The following STK32C variants were observed in gnomAD, a reference collection of about 807,000 sequenced individuals.
The protein encoded by STK32C is serine/threonine kinase 32C, also known as serine/threonine-protein kinase 32C.
STK32C carries 31 observed loss-of-function variants against 56.5 expected under a neutral mutation model. The ratio of observed to expected loss-of-function variants is 0.55; its 90% confidence interval spans 0.41 to 0.74. STK32C has a LOEUF of 0.74. Among genes scored for constraint, STK32C ranks in the 30% least tolerant of loss-of-function variants. The pLI is 0.00. For synonymous variants in STK32C, 309 were observed against 289.4 expected, an observed-to-expected ratio of 1.07 and a Z score of -0.69; for missense variants, 544 against 676.9, an observed-to-expected ratio of 0.80 and a Z score of 2.18.
intron 1 of STK32C, among the ~76,000 whole-genome samples, chr10:132,264,138 C>T (rs531409782): frequency 6.6e-5 from 10 of 152,240 alleles, no homozygotes; most frequent in Non-Finnish European, 1.2e-4. Flanking sequence ...GCTGGTGAGG[C>T]GCCTGCAGTT....
At chr10:132,270,937 T>TC (rs1564763126) in intron 1 of STK32C, among the ~76,000 whole-genome samples, 1 of 116,638 alleles carries the variant, frequency 8.6e-6, no homozygotes, top group African/African-American at 4.8e-5. Context: ...CAACAGCCAA[T>TC]AAGGGTAGGG....
chr10:132,228,142 G>C lies in STK32C; in HGVS notation c.319-14C>G, dbSNP rs1296221035. 1 of 1,613,912 alleles carries C rather than the reference G, an allele frequency of 6.2e-7. No individual in the cohort carries two copies. The highest frequency in any genetic ancestry group is 1.3e-5 in the African/African-American group (1 of 75,036). On this transcript the variant is annotated splice_polypyrimidine_tract_variant and intron_variant, in intron 2 of 11. Coordinates refer to ENST00000298630, the MANE Select transcript of STK32C (RefSeq NM_173575.4). ...CACAATGCACACCTGGAGGGCACAG[G>C]GCTGTTCGGCAGGACGCCTGAGGAC...
Position 132,207,787 on chromosome 10 carries a change from T to C in STK32C, c.*223A>G. Reference sequence around the variant, plus strand: ...AGCGCTTCCTCCATCTAGGCGGGTCTCGGGGGCCCACGGGAAATGCCCTCC... The same window carrying C: ...AGCGCTTCCTCCATCTAGGCGGGTCCCGGGGGCCCACGGGAAATGCCCTCC... On this transcript the variant is annotated 3_prime_UTR_variant, in exon 12 of 12. Coordinates refer to ENST00000298630, the MANE Select transcript of STK32C (RefSeq NM_173575.4). 1 of 499,524 alleles carries C rather than the reference T, an allele frequency of 2.0e-6. No individual in the cohort carries two copies. The highest frequency in any genetic ancestry group is 3.6e-5 in the East Asian group (1 of 27,868). The allele number at this position is 499,524 out of a possible 1,614,324, so 30.9% of individuals were successfully genotyped here. A position where few individuals can be genotyped will look rare whatever the true frequency, so the allele number is the denominator to read the frequency against.
At position 132,208,051 on chromosome 10, in the gene STK32C, G is replaced by T; in HGVS notation, c.1420C>A (p.Pro474Thr). Residue 474 changes from proline to threonine, a missense_variant, in exon 12 of 12, where the codon CCC (proline) becomes ACC (threonine). Transcript: ENST00000298630. ...VEDEAERSAL[P>T]MCGPICPSAG... Reference sequence around the variant, plus strand: ...GAGGGGCAAATGGGGCCGCACATGGGCAGGGCGGAGCGTTCCGCCTCGTCC... The same window carrying T: ...GAGGGGCAAATGGGGCCGCACATGGTCAGGGCGGAGCGTTCCGCCTCGTCC... 7.6e-7 allele frequency: 1 copy of T among 1,310,174 alleles called. No individual in the cohort carries two copies. The highest frequency in any genetic ancestry group is 9.8e-7 in the Non-Finnish European group (1 of 1,021,698). The allele number at this position is 1,310,174 out of a possible 1,614,324, so 81.2% of individuals were successfully genotyped here.
chr10:132,243,326 C>T (rs1361474906), intron 2 of STK32C, among the ~76,000 whole-genome samples: 25 of 152,226 alleles, frequency 1.6e-4, no homozygotes, highest in Non-Finnish European at 1.0e-4. Flanking sequence ...GCCTCTGGAA[C>T]CCCGGCTGGA....
chr10:132,217,220 T>A (rs889871864), intron 10 of STK32C, among the ~76,000 whole-genome samples: 2 of 152,244 alleles, frequency 1.3e-5, no homozygotes, highest in African/African-American at 4.8e-5. Flanking sequence ...ATGACCTGGA[T>A]GTGAGAGATA....
At chr10:132,232,707 AAACGCCACTGATGGGGAGGCCAC>A (rs988622599) in intron 2 of STK32C, among the ~76,000 whole-genome samples, 4 of 151,850 alleles carry the variant, frequency 2.6e-5, no homozygotes, top group Admixed American at 6.5e-5. Flanking sequence ...TTTTCCTATG[AAACGCCACTGATGGGGAGGCCAC>A]AACGCCACCC....
At chr10:132,312,118 C>T (rs2066234625), upstream of STK32C, among the ~76,000 whole-genome samples, 2 of 152,162 alleles carry the variant, frequency 1.3e-5, no homozygotes, top group South Asian at 2.1e-4. Context: ...GCGATCCTCC[C>T]ATCTCAGGCT....
intron 2 of STK32C, among the ~76,000 whole-genome samples, chr10:132,242,966 C>A (rs1358959140): frequency 6.6e-6 from 1 of 152,138 alleles, no homozygotes; most frequent in Admixed American, 6.5e-5. Context: ...TTAAGAGATG[C>A]GTGTCCAGAG....
intron 2 of STK32C, among the ~76,000 whole-genome samples, chr10:132,238,925 C>T (rs544064581): frequency 8.2e-4 from 125 of 152,318 alleles, no homozygotes; most frequent in African/African-American, 2.9e-3. Context: ...GACACTTGGG[C>T]GGAGACCAGG....
upstream of STK32C, among the ~76,000 whole-genome samples, chr10:132,311,378 C>T (rs577172028): frequency 5.3e-5 from 8 of 152,346 alleles, no homozygotes; most frequent in East Asian, 9.6e-4. This position sits in a 1 kb window ranked among gnomAD's most constrained non-coding sequence, Gnocchi z 4.4. Context: ...GGAGAATCCA[C>T]GGACAGCCTC....
At chr10:132,248,943 G>A (rs1590258074) in intron 1 of STK32C, 2 of 456,534 alleles carry the variant, frequency 4.4e-6, no homozygotes, top group Admixed American at 4.7e-5. Context: ...CTCCCGGAGA[G>A]GAAAAGGATG....
At position 132,328,178 on chromosome 10, in the gene STK32C, A is replaced by G. The variant is rs147067585; in HGVS notation, c.301+3258T>C. Among the ~76,000 whole-genome samples the G allele has an allele frequency of 5.8e-3, 876 of 152,228 alleles. 13 individuals are homozygous for G. Among genetic ancestry groups the G allele is most frequent in the African/African-American group, 0.02 (847 of 41,530 alleles). Reference sequence around the variant, plus strand: ...TATTACTCAGTCAGTCTCCCTGCGCATTCTGGGATCAGAGTTTTTAAAGAT... The same window carrying G: ...TATTACTCAGTCAGTCTCCCTGCGCGTTCTGGGATCAGAGTTTTTAAAGAT... On this transcript the variant is annotated intron_variant, in intron 1 of 1. Transcript: ENST00000368619.
At chr10:132,249,145 G>A (rs1299832708) in intron 1 of STK32C, 4 of 440,086 alleles carry the variant, frequency 9.1e-6, no homozygotes, top group South Asian at 4.8e-5. Flanking sequence ...AGGGCGTGCA[G>A]GGGGCGGGGC....
intron 2 of STK32C, among the ~76,000 whole-genome samples, chr10:132,235,521 AAATC>A (rs1049855345): frequency 1.1e-3 from 162 of 151,414 alleles, no homozygotes; most frequent in African/African-American, 3.4e-3. Flanking sequence ...AAAAGGAAAG[AAATC>A]AATCAATCAA....
chr10:132,228,169 CCTGG>C, intron 2 of STK32C, 41 bp from the exon 3 acceptor site: 1 of 1,613,524 alleles, frequency 6.2e-7, no homozygotes. Context: ...CCTGAGGACG[CCTGG>C]GGACACGTGG....
intron 1 of STK32C, among the ~76,000 whole-genome samples, chr10:132,285,282 G>A (rs1020051679): frequency 6.6e-6 from 1 of 152,236 alleles, no homozygotes; most frequent in Non-Finnish European, 1.5e-5. Flanking sequence ...ACCCTCAGGA[G>A]TCTATATTCT....
At chr10:132,265,062 C>T (rs1360499929) in intron 1 of STK32C, among the ~76,000 whole-genome samples, 2 of 151,810 alleles carry the variant, frequency 1.3e-5, no homozygotes, top group African/African-American at 4.8e-5. Flanking sequence ...CAGACATGGC[C>T]GCAAGGGCGG....
intron 11 of STK32C, among the ~76,000 whole-genome samples, chr10:132,208,436 CG>C (rs900723770): frequency 6.6e-6 from 1 of 152,182 alleles, no homozygotes; most frequent in African/African-American, 2.4e-5. Flanking sequence ...GAATGAGGCT[CG>C]GCTAAGCCTC....
Sources: allele counts gnomAD v4.1 joint callset (sites outside exome capture counted in the v4.1 genomes callset), GRCh38; gene constraint gnomAD v4.1.1; non-coding constraint Gnocchi (gnomAD v3.1); transcripts MANE v1.5; gene names NCBI Gene and HGNC (gene_info 2026-07-23, HGNC 2026-07-21).